REST: variants seen among roughly 807,000 people sequenced by gnomAD.
The protein encoded by REST is RE1-silencing transcription factor.
REST carries 1 observed loss-of-function variant against 30.4 expected under a neutral mutation model. The ratio of observed to expected loss-of-function variants is 0.03; its 90% CI spans 0.01 to 0.16. The LOEUF is 0.16. Ranked by LOEUF, REST falls within the 10% of genes least tolerant of loss-of-function variation. The pLI, the probability that REST is intolerant of heterozygous loss-of-function variation, is 1.00. For missense variants in REST, 1,259 were observed against 1,329.5 expected (o/e 0.95, Z 0.82); for synonymous variants, 504 against 451.1 (o/e 1.12, Z -1.49).
Position 56,931,691 on chromosome 4 carries a change from T to G in REST, c.2833T>G (p.Cys945Gly), listed in dbSNP as rs767425000. 6.2e-7 allele frequency: 1 copy of G among 1,614,222 alleles called. No individual in the cohort carries two copies. The highest frequency in any genetic ancestry group is 8.5e-7 in the Non-Finnish European group (1 of 1,180,038). Residue 945 changes from cysteine (C) to glycine (G), a missense_variant, in exon 4 of 4, where the codon TGT becomes GGT. Around this residue, in one of 5 missense-constraint regions of REST, gnomAD observed 856 missense variants for 772.8 expected, o/e 1.11. Transcript: ENST00000309042. ...TAAACATCAGACTGACAGTATAGTTTGTGAAATGAAAATGGACACTGATCA... is the reference window on the plus strand; with the variant it reads ...TAAACATCAGACTGACAGTATAGTTGGTGAAATGAAAATGGACACTGATCA... ...NGKHQTDSIV[C>G]EMKMDTDQNT...
intron 3 of REST, among the ~76,000 whole-genome samples, chr4:56,928,609 A>C (rs1388049113): frequency 1.4e-5 from 2 of 146,732 alleles, no homozygotes; most frequent in African/African-American, 5.0e-5. Context: ...TTTTTGTGAG[A>C]CAAAGTCTTA....
At chr4:56,913,731 C>T in intron 2 of REST, among the ~76,000 whole-genome samples, 1 of 152,168 alleles carries the variant, frequency 6.6e-6, no homozygotes, top group Non-Finnish European at 1.5e-5. Flanking sequence ...TCACTACAAC[C>T]TCCACCTCCC....
intron 2 of REST, among the ~76,000 whole-genome samples, chr4:56,916,622 G>A (rs1240272283): frequency 4.6e-5 from 7 of 152,176 alleles, no homozygotes; most frequent in Non-Finnish European, 4.4e-5. Flanking sequence ...GGGCGACAGA[G>A]CGAGACTGCG....
intron 2 of REST, among the ~76,000 whole-genome samples, chr4:56,915,971 C>T (rs1037767499): frequency 6.6e-6 from 1 of 152,192 alleles, no homozygotes. Flanking sequence ...CACGATGGCT[C>T]ACGCCTGTAA....
At position 56,931,248 on chromosome 4, in the gene REST, C is replaced by T. The variant is rs3796529; in HGVS notation, c.2390C>T (p.Pro797Leu). ...CAGAAGGAGCCTGCTCAGAGGGAGC[C>T]ACCTCCTCCCAGAGAGCCTCCCCTT... The part of the protein sequence containing the change: ...VVQKEPAQRE[P>L]PPPREPPLHM... The change falls in exon 4 of 4, where the codon CCA becomes CTA. Residue 797 changes from proline (P) to leucine (L), a missense_variant. Physicochemically the swap from Pro to Leu is moderately conservative, Grantham distance 98. This residue lies in a region of REST where 856 missense variants were observed against 772.8 expected (regional missense o/e 1.11). Transcript: ENST00000309042. 0.2 allele frequency: 327,656 copies of T among 1,614,070 alleles called. 34,729 individuals are homozygous for T. The highest frequency in any genetic ancestry group is 0.4 in the East Asian group (17,775 of 44,870).
chr4:56,913,219 G>T (rs918526038), intron 2 of REST, among the ~76,000 whole-genome samples: 7 of 152,076 alleles, frequency 4.6e-5, no homozygotes, highest in African/African-American at 1.4e-4. Context: ...CCAGGCAGTG[G>T]TGTGATCACA....
Position 56,932,014 on chromosome 4 carries a change from A to T in REST, c.3156A>T (p.Ala1052=), listed in dbSNP as rs139478754. ...GAAAAAATGCAAAGGAAGCCTTGGC[A>T]GTCAAAGCGGCTAAGGGAGATTTTG... ...SSRKNAKEAL[A]VKAAKGDFVC... The change falls in exon 4 of 4, where the codon GCA becomes GCT. Residue 1052 remains alanine (A), a synonymous_variant. Coordinates refer to ENST00000309042, the MANE Select transcript of REST (RefSeq NM_005612.5). 4.6e-4 allele frequency: 737 copies of T among 1,614,246 alleles called. 5 individuals carry two copies. Among genetic ancestry groups the T allele is most frequent in the South Asian group, 1.3e-3 (116 of 91,080 alleles).
intron 2 of REST, among the ~76,000 whole-genome samples, chr4:56,918,022 A>G (rs899691103): frequency 6.8e-6 from 1 of 147,206 alleles, no homozygotes; most frequent in African/African-American, 2.5e-5. Context: ...AGTGCACTCC[A>G]GCATGGGCAA....
intron 1 of REST, among the ~76,000 whole-genome samples, chr4:56,908,620 G>C (rs1410113472): frequency 3.3e-5 from 5 of 152,036 alleles, no homozygotes; most frequent in Non-Finnish European, 7.4e-5. Context: ...GCCCCGCGCC[G>C]GCCCGCGGCC....
intron 3 of REST, among the ~76,000 whole-genome samples, chr4:56,923,309 G>C (rs890944005): frequency 6.6e-6 from 1 of 152,148 alleles, no homozygotes; most frequent in African/African-American, 2.4e-5. Flanking sequence ...ACTCTGCTGC[G>C]CAGGCTGGAA....
chr4:56,924,132 A>G (rs989809049), intron 3 of REST, among the ~76,000 whole-genome samples: 2 of 152,186 alleles, frequency 1.3e-5, no homozygotes, highest in South Asian at 2.1e-4. Flanking sequence ...TGTTGGGATT[A>G]CAGGTTTGAG....
At chr4:56,916,689 C>T (rs1375138920) in intron 2 of REST, among the ~76,000 whole-genome samples, 1 of 152,132 alleles carries the variant, frequency 6.6e-6, no homozygotes, top group Non-Finnish European at 1.5e-5. Context: ...ATCTTTGATT[C>T]TTCAAGTTTA....
chr4:56,916,346 GAT>G (rs1452847687), intron 2 of REST, among the ~76,000 whole-genome samples: 1 of 152,200 alleles, frequency 6.6e-6, no homozygotes, highest in Non-Finnish European at 1.5e-5. Context: ...GAATTACACA[GAT>G]AAAGTAATCT....
intron 3 of REST, among the ~76,000 whole-genome samples, chr4:56,927,175 C>T (rs1234878248): frequency 6.6e-6 from 1 of 152,128 alleles, no homozygotes; most frequent in East Asian, 1.9e-4. Flanking sequence ...GAGCAACTTG[C>T]AGAGCTCATG....
In REST at chr4:56,930,794, C is replaced by A; in HGVS notation, c.1936C>A (p.Pro646Thr). ...HAQMEGAQIRPAPDEPVQMEV... is the reference protein window; with the variant it reads ...HAQMEGAQIRTAPDEPVQMEV... ...TCAGATGGAGGGTGCCCAGATACGG[C>A]CTGCTCCTGACGAGCCTGTTCAGAT... Residue 646 changes from proline (P) to threonine (T), a missense_variant, in exon 4 of 4, where the codon CCT (proline) becomes ACT (threonine). This residue lies in a region of REST where 856 missense variants were observed against 772.8 expected (regional missense o/e 1.11). Transcript: ENST00000309042. The A allele has an allele frequency of 6.2e-7, 1 of 1,606,124 alleles. No individual in the cohort carries two copies. The highest frequency in any genetic ancestry group is 1.7e-5 in the Admixed American group (1 of 58,750).
intron 3 of REST, among the ~76,000 whole-genome samples, chr4:56,922,556 G>T (rs537873753): frequency 5.3e-5 from 8 of 151,812 alleles, no homozygotes; most frequent in Non-Finnish European, 8.8e-5. Flanking sequence ...CAGGTGATCC[G>T]CCTGCCTCAG....
At chr4:56,912,126 T>G (rs1719956690) in intron 2 of REST, among the ~76,000 whole-genome samples, 1 of 152,198 alleles carries the variant, frequency 6.6e-6, no homozygotes, top group Admixed American at 6.5e-5. Flanking sequence ...TTAAAACATT[T>G]GACTTATAGC....
Position 56,930,987 on chromosome 4 carries a change from A to G in REST, c.2129A>G (p.Gln710Arg), listed in dbSNP as rs777342086. 3.7e-6 allele frequency: 6 copies of G among 1,614,258 alleles called. No individual in the cohort carries two copies. In the South Asian group the frequency reaches 6.6e-5, roughly 18 times the overall value. Reference sequence around the variant, plus strand: ...GGGCCTGCTCCCATGGAACCTGCTCAGATGGAGGTTGCCCAGGTAGAATCT... The same window carrying G: ...GGGCCTGCTCCCATGGAACCTGCTCGGATGGAGGTTGCCCAGGTAGAATCT... Reference protein sequence around the residue: ...QMGPAPMEPAQMEVAQVESAP... With the variant: ...QMGPAPMEPARMEVAQVESAP... The change falls in exon 4 of 4, where the codon CAG (glutamine) becomes CGG (arginine). Residue 710 changes from glutamine to arginine, a missense_variant. Physicochemically the swap from Gln to Arg is conservative, Grantham distance 43. Coordinates refer to ENST00000309042, the MANE Select transcript of REST (RefSeq NM_005612.5).
At chr4:56,908,329 T>C (rs1360128560) in intron 1 of REST, 116 bp downstream of exon 1, 1 of 165,676 alleles carries the variant, frequency 6.0e-6, no homozygotes, top group African/African-American at 2.4e-5. Flanking sequence ...TGTCCAGGGC[T>C]GATTTGCAGA....
Sources: gnomAD v4.1 joint callset for allele counts (sites outside exome capture counted in the v4.1 genomes callset) on GRCh38, gnomAD v4.1.1 for gene constraint, gnomAD v4.1.1 regional missense constraint, MANE v1.5 for transcripts, NCBI Gene and HGNC (gene_info 2026-07-23, HGNC 2026-07-21) for gene names.